The following PTPRA variants were observed in gnomAD, a reference collection of about 807,000 sequenced individuals.
PTPRA encodes the protein receptor-type tyrosine-protein phosphatase alpha.
Under a neutral mutation model 104.8 loss-of-function variants are expected in PTPRA, and 25 were observed. That is an observed-to-expected ratio of 0.24 (90% CI 0.17 to 0.33). The LOEUF (loss-of-function observed/expected upper bound fraction) is 0.33. Ranked by LOEUF, PTPRA falls within the 10% of genes least tolerant of loss-of-function variation. PTPRA has a pLI of 1.00. For missense variants in PTPRA, 765 were observed against 1,015.3 expected (o/e 0.75, Z 3.35); for synonymous variants, 323 against 368.9 (o/e 0.88, Z 1.43).
At chr20:2,867,758 C>T in the PTPRA span, among the ~76,000 whole-genome samples, 1 of 152,226 alleles carries the variant, frequency 6.6e-6, no homozygotes, top group Non-Finnish European at 1.5e-5. Flanking sequence ...GAGCTTCAGG[C>T]CTCTCCCTAT....
chr20:2,906,654 T>C (rs901016100), intron 1 of PTPRA, among the ~76,000 whole-genome samples: 16 of 152,202 alleles, frequency 1.1e-4, no homozygotes, highest in African/African-American at 3.6e-4. Context: ...TAGTGCTTCC[T>C]ATTCAATAAA....
At chr20:2,929,833 G>GA (rs113188088) in intron 2 of PTPRA, among the ~76,000 whole-genome samples, 2,882 of 151,518 alleles carry the variant, frequency 0.019, 96 homozygotes, top group East Asian at 0.12. Context: ...TCAAAGAAAG[G>GA]AAAAAAAAAT....
chr20:2,959,335 T>C (rs1278777997), intron 3 of PTPRA, among the ~76,000 whole-genome samples: 1 of 152,234 alleles, frequency 6.6e-6, no homozygotes, highest in Non-Finnish European at 1.5e-5. Context: ...TTTCATATGA[T>C]TGATCTCTTC....
intron 9 of PTPRA, among the ~76,000 whole-genome samples, chr20:2,995,001 G>A (rs2063341659): frequency 6.6e-6 from 1 of 152,058 alleles, no homozygotes; most frequent in African/African-American, 2.4e-5. Flanking sequence ...ATGGTGGTGA[G>A]TGCCTGTAAT....
At chr20:2,867,498 C>G in the PTPRA span, among the ~76,000 whole-genome samples, 21 of 105,066 alleles carry the variant, frequency 2.0e-4, 1 homozygote, top group African/African-American at 1.0e-3. Flanking sequence ...CAGTGCACCC[C>G]CTCTGCTCTC....
At chr20:2,910,589 G>GTTTTTTTTT (rs1423909050) in intron 1 of PTPRA, among the ~76,000 whole-genome samples, 1 of 57,986 alleles carries the variant, frequency 1.7e-5, no homozygotes, top group African/African-American at 7.9e-5. Flanking sequence ...TTTTTTTTTT[G>GTTTTTTTTT]TTTTTTTTTT....
rs763049178 is a variant in PTPRA, at chr20:3,035,692, C to T, written c.2028C>T (p.Leu676=). 2 of 1,614,092 alleles carry T rather than the reference C, an allele frequency of 1.2e-6. No individual in the cohort carries two copies. The highest frequency in any genetic ancestry group is 1.7e-6 in the Non-Finnish European group (2 of 1,180,052). Residue 676 remains leucine (L), a synonymous_variant, in exon 21 of 24, where the codon CTC becomes CTT. Transcript: ENST00000399903. The surrounding 1 kb of genome is among the most constrained non-coding windows in gnomAD (Gnocchi z 5.8). ...EECESYTVRD[L]LVTNTRENKS... is the part of the protein sequence containing the mutation. ...GTGAGAGCTACACCGTCCGAGACCT[C>T]CTGGTCACCAACACCAGGGTAAGAT... is the stretch of plus-strand genomic sequence containing the variant.
At chr20:2,968,100 C>A (rs1273918854) in intron 5 of PTPRA, among the ~76,000 whole-genome samples, 2 of 152,324 alleles carry the variant, frequency 1.3e-5, no homozygotes, top group South Asian at 2.1e-4. Context: ...TGCTTCCTGA[C>A]TTCCATATTG....
chr20:2,929,539 T>C (rs899850308), intron 2 of PTPRA, among the ~76,000 whole-genome samples: 2 of 152,162 alleles, frequency 1.3e-5, no homozygotes, highest in Non-Finnish European at 2.9e-5. Context: ...AGATGGTCTT[T>C]AAAGACCGGG....
chr20:3,037,272 C>T lies in PTPRA; in HGVS notation c.2317C>T (p.His773Tyr). Residue 773 changes from histidine to tyrosine, a missense_variant, in exon 23 of 24, where the codon CAC becomes TAC. Transcript: ENST00000399903. The surrounding 1 kb of genome is among the most constrained non-coding windows in gnomAD (Gnocchi z 4.3). ...TVKSLRLQRPHMVQTLEQYEF... is the reference protein window; with the variant it reads ...TVKSLRLQRPYMVQTLEQYEF... ...CAAGAGCCTGCGGCTACAGAGGCCA[C>T]ACATGGTCCAGACACTGGTATGCTG... 2 of 1,614,190 alleles carry T rather than the reference C, an allele frequency of 1.2e-6. No homozygotes were observed. Among genetic ancestry groups the T allele is most frequent in the Non-Finnish European group, 1.7e-6 (2 of 1,180,012 alleles).
chr20:2,972,054 G>A (rs1000898505), intron 5 of PTPRA, among the ~76,000 whole-genome samples: 1 of 151,924 alleles, frequency 6.6e-6, no homozygotes, highest in African/African-American at 2.4e-5. Context: ...ACCTGGTCTC[G>A]AACTCCTGAC....
At chr20:2,919,013 CGTA>C (rs921960516) in intron 1 of PTPRA, among the ~76,000 whole-genome samples, 12 of 152,102 alleles carry the variant, frequency 7.9e-5, no homozygotes, top group African/African-American at 2.9e-4. Context: ...GTGTCTGACA[CGTA>C]GTAAATACTT....
At chr20:3,002,322 A>ATTTT (rs5839983) in intron 9 of PTPRA, among the ~76,000 whole-genome samples, 2 of 116,898 alleles carry the variant, frequency 1.7e-5, no homozygotes, top group African/African-American at 3.1e-5. Flanking sequence ...AAATGTAGTA[A>ATTTT]TTTTTTTTTT....
chr20:3,019,273 C>A (rs1418973113), intron 13 of PTPRA, among the ~76,000 whole-genome samples: 2 of 150,794 alleles, frequency 1.3e-5, no homozygotes, highest in African/African-American at 4.9e-5. Flanking sequence ...ACCTCCCTCC[C>A]GGACGAGGTG....
rs2062978415 is a variant in PTPRA, at chr20:2,987,975, T to C, written c.528-57T>C. The C allele has an allele frequency of 7.2e-6, 10 of 1,390,112 alleles. No individual in the cohort carries two copies. In the East Asian group the frequency reaches 2.3e-4, roughly 32 times the overall value. 86.1% of individuals were successfully genotyped at this position (1,390,112 alleles called of 1,614,324 possible). A position where few individuals can be genotyped will look rare whatever the true frequency, so the allele number is the denominator to read the frequency against. On this transcript the variant is annotated intron_variant, in intron 7 of 23. Transcript: ENST00000399903. ...ATTGATGAGCAGGAATACAGAGGTG[T>C]GATTTGCCTCTCCCACCTCTGTGCT... is the stretch of plus-strand genomic sequence containing the variant.
intron 20 of PTPRA, among the ~76,000 whole-genome samples, chr20:3,030,656 T>A (rs114043010): frequency 7.3e-5 from 11 of 151,348 alleles, no homozygotes; most frequent in Non-Finnish European, 1.6e-4. Context: ...GAATTAAAAA[T>A]TTTTAATTAT....
At chr20:2,925,844 A>G (rs2060274402) in intron 2 of PTPRA, among the ~76,000 whole-genome samples, 1 of 152,026 alleles carries the variant, frequency 6.6e-6, no homozygotes, top group Non-Finnish European at 1.5e-5. Flanking sequence ...AACAAAAAAA[A>G]ACACATGGAT....
At chr20:3,008,990 G>A (rs1415503166) in intron 11 of PTPRA, among the ~76,000 whole-genome samples, 1 of 152,072 alleles carries the variant, frequency 6.6e-6, no homozygotes, top group Non-Finnish European at 1.5e-5. Context: ...GGACACTGAT[G>A]GAGAGATTAG....
chr20:2,964,742 T>C, intron 4 of PTPRA, 119 bp from the exon 5 acceptor site: 2 of 861,506 alleles, frequency 2.3e-6, no homozygotes, highest in Non-Finnish European at 3.5e-6. Context: ...TTGAGGGGGA[T>C]TGGTCTTTGC....
Sources: gnomAD v4.1 joint callset for allele counts (sites outside exome capture counted in the v4.1 genomes callset) on GRCh38, gnomAD v4.1.1 for gene constraint, Gnocchi (gnomAD v3.1) non-coding constraint, MANE v1.5 for transcripts, NCBI Gene and HGNC (gene_info 2026-07-23, HGNC 2026-07-21) for gene names.